Variants in TFDP2 observed in about 807,000 individuals in gnomAD.
TFDP2 encodes transcription factor Dp-2, also known as transcription factor Dp-2 (E2F dimerization partner 2).
Under a neutral mutation model 59.3 loss-of-function variants are expected in TFDP2, and 17 were observed. That is an observed-to-expected ratio of 0.29 (90% CI 0.20 to 0.43). TFDP2 has a LOEUF of 0.43. Ranked by LOEUF, TFDP2 falls within the 20% of genes least tolerant of loss-of-function variation. The pLI is 1.00. For missense variants in TFDP2, 391 were observed against 528.8 expected (o/e 0.74, Z 2.56); for synonymous variants, 180 against 194.7 (o/e 0.92, Z 0.63).
chr3:142,017,064 GTC>G (rs1945182986), intron 3 of TFDP2, among the ~76,000 whole-genome samples: 1 of 151,918 alleles, frequency 6.6e-6, no homozygotes, highest in Non-Finnish European at 1.5e-5. Flanking sequence ...GATATCCTAC[GTC>G]TTATTCCCGT....
intron 3 of TFDP2, among the ~76,000 whole-genome samples, chr3:142,032,278 A>AT (rs1946467732): frequency 6.6e-6 from 1 of 151,916 alleles, no homozygotes; most frequent in Non-Finnish European, 1.5e-5. Context: ...TAATTTTTGT[A>AT]TTTTTTATAG....
At chr3:142,140,266 C>CT (rs1226178004) in intron 1 of TFDP2, among the ~76,000 whole-genome samples, 3 of 151,758 alleles carry the variant, frequency 2.0e-5, no homozygotes, top group Admixed American at 6.6e-5. Context: ...TAGCCATAAC[C>CT]TTTTTTCAAG....
At position 142,121,056 on chromosome 3, in the gene TFDP2, T is replaced by G. The variant is rs745506182; in HGVS notation, c.-92-19215A>C. ...GCAAGCAGGAGACAGCAATAGTTTA[T>G]GATGACAGAGAAAAGAACTAGACGT... On this transcript the variant is annotated intron_variant, in intron 1 of 12. Transcript: ENST00000489671. The surrounding 1 kb of genome is among the most constrained non-coding windows in gnomAD (Gnocchi z 4.3). Among the ~76,000 whole-genome samples the G allele has an allele frequency of 6.6e-6, 1 of 151,928 alleles. No homozygotes were observed. Among genetic ancestry groups the G allele is most frequent in the Admixed American group, 6.6e-5 (1 of 15,226 alleles).
chr3:141,985,533 A>C lies in TFDP2; in HGVS notation c.357-6851T>G, dbSNP rs927987902. 9.6e-5 allele frequency among the ~76,000 whole-genome samples: 14 copies of C among 146,222 alleles called. No individual in the cohort carries two copies. The South Asian group carries it at 1.5e-3, about 15-fold the overall frequency. ...AGACGCTGTCTCAAAAAAAAAAAAA[A>C]AAAAAAAAAACACCTATTTTTTCTT... On this transcript the variant is annotated intron_variant, in intron 6 of 12. Coordinates refer to ENST00000489671, the MANE Select transcript of TFDP2 (RefSeq NM_001178139.2).
At chr3:141,986,782 G>A (rs1942147963) in intron 6 of TFDP2, among the ~76,000 whole-genome samples, 1 of 152,118 alleles carries the variant, frequency 6.6e-6, no homozygotes, top group Admixed American at 6.6e-5. Flanking sequence ...GAGCATTCTA[G>A]ATGCTTCATA....
At chr3:141,954,028 TGCA>T (rs1280221960) in intron 11 of TFDP2, among the ~76,000 whole-genome samples, 6 of 151,836 alleles carry the variant, frequency 4.0e-5, no homozygotes, top group Non-Finnish European at 7.4e-5. Flanking sequence ...GGCGTTGTGG[TGCA>T]TGCCTGTAAT....
At position 142,144,369 on chromosome 3, in the gene TFDP2, C is replaced by CA. The variant is rs574504532; in HGVS notation, c.-93+4813dup. Among the ~76,000 whole-genome samples the CA allele has an allele frequency of 9.2e-3, 1,134 of 123,910 alleles. 10 individuals carry two copies. Among genetic ancestry groups the CA allele is most frequent in the African/African-American group, 0.028 (908 of 32,512 alleles). 81.3% of individuals were successfully genotyped at this position (123,910 alleles called of 152,430 possible). A position where few individuals can be genotyped will look rare whatever the true frequency, so the allele number is the denominator to read the frequency against. Reference sequence around the variant, plus strand: ...TGGGCAATAGAGCAAGGCTCTGTCTCAAAAAAAAAAAAAGCGGGGCAGCAG... The same window carrying CA: ...TGGGCAATAGAGCAAGGCTCTGTCTCAAAAAAAAAAAAAAGCGGGGCAGCAG... On this transcript the variant is annotated intron_variant, in intron 1 of 12. Transcript: ENST00000489671.
chr3:142,101,369 A>T (rs564584212), intron 2 of TFDP2, among the ~76,000 whole-genome samples: 23 of 152,010 alleles, frequency 1.5e-4, no homozygotes, highest in East Asian at 1.2e-3. Flanking sequence ...AAAAAAAAAA[A>T]AAAAATAAGC....
intron 2 of TFDP2, among the ~76,000 whole-genome samples, chr3:142,096,507 T>C (rs1294725423): frequency 6.6e-6 from 1 of 152,196 alleles, no homozygotes; most frequent in South Asian, 2.1e-4. Flanking sequence ...CCTCTCTTTT[T>C]TCTCAATTTT....
Position 142,005,499 on chromosome 3 carries a change from G to A in TFDP2, c.128C>T (p.Pro43Leu). 6.2e-7 allele frequency: 1 copy of A among 1,609,822 alleles called. No homozygotes were observed. Among genetic ancestry groups the A allele is most frequent in the Non-Finnish European group, 8.5e-7 (1 of 1,177,402 alleles). ...VAFPVSNTNS[P>L]TKILPKTLGP... is the part of the protein sequence containing the mutation. ...TAAGGTTTTTGGTAAAATCTTTGTA[G>A]GTGAGTTGGTATTGGAAACTGGAAA... Residue 43 changes from proline (P) to leucine (L), a missense_variant, in exon 4 of 13, where the codon CCT becomes CTT. This residue lies in a region of TFDP2 where 162 missense variants were observed against 206.8 expected (regional missense o/e 0.78). Transcript: ENST00000489671.
intron 4 of TFDP2, among the ~76,000 whole-genome samples, chr3:141,999,080 A>G (rs559155059): frequency 3.1e-4 from 47 of 152,240 alleles, no homozygotes; most frequent in Non-Finnish European, 6.0e-4. Context: ...TGAACTGGGC[A>G]GGTCCACTTA....
intron 3 of TFDP2, among the ~76,000 whole-genome samples, chr3:142,022,136 T>A (rs1487157730): frequency 6.6e-6 from 1 of 152,200 alleles, no homozygotes; most frequent in Admixed American, 6.5e-5. Flanking sequence ...ATCCTCCCAA[T>A]CCTTCCCGGC....
At chr3:142,096,420 C>G (rs906822905) in intron 2 of TFDP2, among the ~76,000 whole-genome samples, 1 of 152,082 alleles carries the variant, frequency 6.6e-6, no homozygotes, top group African/African-American at 2.4e-5. Context: ...TTTCAATGAA[C>G]AAGAGAAAAA....
chr3:141,995,147 A>C lies in TFDP2; in HGVS notation c.187-6T>G. 2 of 1,572,258 alleles carry C rather than the reference A, an allele frequency of 1.3e-6. No homozygotes were observed. The highest frequency in any genetic ancestry group is 1.7e-6 in the Non-Finnish European group (2 of 1,161,446). On this transcript the variant is annotated splice_region_variant and splice_polypyrimidine_tract_variant and intron_variant, in intron 4 of 12. Coordinates refer to ENST00000489671, the MANE Select transcript of TFDP2 (RefSeq NM_001178139.2). ...CTCTGTGGTGTGCTTATAATCTGTA[A>C]AGTTAGGAACAAAGAATATAATATT...
chr3:142,102,954 T>G (rs2061357892), intron 1 of TFDP2, among the ~76,000 whole-genome samples: 1 of 152,104 alleles, frequency 6.6e-6, no homozygotes, highest in Non-Finnish European at 1.5e-5. Flanking sequence ...GACTAAAAAC[T>G]GCTGGGCGCA....
At chr3:142,129,819 C>T (rs760684939) in intron 1 of TFDP2, among the ~76,000 whole-genome samples, 4 of 151,878 alleles carry the variant, frequency 2.6e-5, no homozygotes, top group Non-Finnish European at 5.9e-5. Flanking sequence ...TATATTTCCC[C>T]AAAGAAGCAT....
chr3:142,000,398 A>AT (rs1162490010), intron 4 of TFDP2: 5 of 679,552 alleles, frequency 7.4e-6, no homozygotes, highest in Non-Finnish European at 1.1e-5. Flanking sequence ...AACCTCTTTT[A>AT]TAAGGGCACT....
At chr3:142,008,864 T>C (rs1028207838) in intron 3 of TFDP2, among the ~76,000 whole-genome samples, 1 of 152,216 alleles carries the variant, frequency 6.6e-6, no homozygotes, top group East Asian at 1.9e-4. Context: ...TCCTCATCGA[T>C]GCTTAGGACA....
At chr3:142,006,718 T>C (rs1393600537) in intron 3 of TFDP2, among the ~76,000 whole-genome samples, 2 of 152,048 alleles carry the variant, frequency 1.3e-5, no homozygotes, top group African/African-American at 4.8e-5. Flanking sequence ...TTCTCCCCCT[T>C]AGCCTCCCAA....
Sources: gnomAD v4.1 joint callset for allele counts (sites outside exome capture counted in the v4.1 genomes callset) on GRCh38, gnomAD v4.1.1 for gene constraint, gnomAD v4.1.1 regional missense constraint, Gnocchi (gnomAD v3.1) non-coding constraint, MANE v1.5 for transcripts, NCBI Gene and HGNC (gene_info 2026-07-23, HGNC 2026-07-21) for gene names.